The following PLCB1 variants were observed in gnomAD, a reference collection of about 807,000 sequenced individuals.
PLCB1 encodes the protein 1-phosphatidylinositol 4,5-bisphosphate phosphodiesterase beta-1.
PLCB1 carries 46 observed loss-of-function variants against 161.8 expected under a neutral mutation model. The ratio of observed to expected loss-of-function variants is 0.28; its 90% CI spans 0.22 to 0.36. The LOEUF is 0.36. PLCB1 is among the 10% of genes least tolerant of loss of function. The pLI is 1.00. For synonymous variants in PLCB1, 517 were observed against 503.7 expected (o/e 1.03, Z -0.35); for missense variants, 1,016 against 1,472.5 (o/e 0.69, Z 5.07).
chr20:8,551,485 G>A (rs1600147326), intron 3 of PLCB1, among the ~76,000 whole-genome samples: 1 of 152,114 alleles, frequency 6.6e-6, no homozygotes, highest in East Asian at 1.9e-4. Flanking sequence ...TTCTTCGAAG[G>A]GTGTGACCTT....
At chr20:8,607,540 C>T (rs1987792174) in intron 3 of PLCB1, among the ~76,000 whole-genome samples, 1 of 152,156 alleles carries the variant, frequency 6.6e-6, no homozygotes, top group South Asian at 2.1e-4. Context: ...CCGTTCCCAC[C>T]CCAAGGTATC....
In PLCB1 at chr20:8,132,776, G is replaced by T; in HGVS notation, c.99+26G>T. ...GTAAGTATTGGGGCGGCCCGAGTCGGGGCGCTGGCTCGGGCACCGGGCAGG... is the reference window on the plus strand; with the variant it reads ...GTAAGTATTGGGGCGGCCCGAGTCGTGGCGCTGGCTCGGGCACCGGGCAGG... On this transcript the variant is annotated intron_variant, in intron 1 of 31. Transcript: ENST00000338037. The surrounding 1 kb of genome is among the most constrained non-coding windows in gnomAD (Gnocchi z 5.2). The T allele has an allele frequency of 6.4e-7, 1 of 1,555,306 alleles. No individual in the cohort carries two copies. The highest frequency in any genetic ancestry group is 2.3e-5 in the East Asian group (1 of 44,268).
At chr20:8,556,656 GGTGTGTGTGTGTGTGTGTGTGTGTGT>G (rs58160557) in intron 3 of PLCB1, among the ~76,000 whole-genome samples, 1 of 141,780 alleles carries the variant, frequency 7.1e-6, no homozygotes, top group South Asian at 2.3e-4. Context: ...GAGAGGGTTG[GGTGTGTGTGTGTGTGTGTGTGTGTGT>G]GTGTGTGTGT....
At chr20:8,562,470 C>A (rs1986172428) in intron 3 of PLCB1, among the ~76,000 whole-genome samples, 1 of 152,066 alleles carries the variant, frequency 6.6e-6, no homozygotes, top group African/African-American at 2.4e-5. Context: ...AAGCTGTGCT[C>A]CGGCAGAAAG....
intron 2 of PLCB1, among the ~76,000 whole-genome samples, chr20:8,329,245 T>C (rs1985273489): frequency 6.6e-6 from 1 of 152,130 alleles, no homozygotes; most frequent in Admixed American, 6.5e-5. Flanking sequence ...TGCTTGGAAG[T>C]GAGTGAAAGT....
At chr20:8,308,600 G>A (rs1157184936) in intron 2 of PLCB1, among the ~76,000 whole-genome samples, 1 of 131,652 alleles carries the variant, frequency 7.6e-6, no homozygotes, top group African/African-American at 2.9e-5. Flanking sequence ...CTGGGCAACA[G>A]AGCGAGATTC....
chr20:8,682,582 T>G (rs1376351619), intron 9 of PLCB1, among the ~76,000 whole-genome samples: 1 of 152,166 alleles, frequency 6.6e-6, no homozygotes, highest in Admixed American at 6.5e-5. Context: ...CCTTGAGAAA[T>G]GTATTGAATG....
chr20:8,584,099 T>G (rs925472914), intron 3 of PLCB1, among the ~76,000 whole-genome samples: 2 of 152,202 alleles, frequency 1.3e-5, no homozygotes, highest in Non-Finnish European at 2.9e-5. Context: ...AGAAGAACAC[T>G]TCTAGAATTA....
intron 1 of PLCB1, among the ~76,000 whole-genome samples, chr20:8,147,074 T>C (rs771013250): frequency 5.9e-5 from 9 of 152,192 alleles, no homozygotes; most frequent in Non-Finnish European, 1.2e-4. Context: ...CATCATCCTA[T>C]TCCTGACCCA....
intron 31 of PLCB1, among the ~76,000 whole-genome samples, chr20:8,827,502 A>T (rs1985762422): frequency 6.6e-6 from 1 of 152,260 alleles, no homozygotes; most frequent in African/African-American, 2.4e-5. Context: ...GGTGGTAAAC[A>T]CTAGCCATAC....
At chr20:8,596,082 CT>C (rs1987336882) in intron 3 of PLCB1, among the ~76,000 whole-genome samples, 1 of 151,674 alleles carries the variant, frequency 6.6e-6, no homozygotes, top group Non-Finnish European at 1.5e-5. Flanking sequence ...GTTTCTTTTG[CT>C]GTGCAGAAGC....
chr20:8,672,426 T>C (rs1989970796), intron 9 of PLCB1, among the ~76,000 whole-genome samples: 1 of 149,568 alleles, frequency 6.7e-6, no homozygotes, highest in Non-Finnish European at 1.5e-5. Flanking sequence ...TAGTACTGCA[T>C]GTGTAAGCAT....
intron 5 of PLCB1, 135 bp from the exon 6 acceptor site, chr20:8,647,765 T>A (rs1989206746): frequency 3.0e-6 from 2 of 672,038 alleles, no homozygotes; most frequent in Non-Finnish European, 5.3e-6. Flanking sequence ...GGGTGCCAAC[T>A]GTGGAGACTT....
intron 12 of PLCB1, among the ~76,000 whole-genome samples, chr20:8,715,093 T>C (rs1030049125): frequency 1.3e-5 from 2 of 152,214 alleles, no homozygotes; most frequent in African/African-American, 4.8e-5. Context: ...GTCACAGTCC[T>C]GCTAAAATGT....
intron 2 of PLCB1, among the ~76,000 whole-genome samples, chr20:8,298,397 A>T (rs2745763): frequency 0.33 from 49,688 of 151,880 alleles, 10,474 homozygotes; most frequent in African/African-American, 0.59. Context: ...GTTATCCTTT[A>T]AAGAGTGCTT....
intron 3 of PLCB1, among the ~76,000 whole-genome samples, chr20:8,581,255 C>T (rs146192229): frequency 1.3e-5 from 2 of 152,216 alleles, no homozygotes; most frequent in East Asian, 1.9e-4. Context: ...TAGCTGAGAA[C>T]GCTGTGCTAC....
At chr20:8,172,247 G>C (rs2051739978) in intron 2 of PLCB1, among the ~76,000 whole-genome samples, 1 of 152,174 alleles carries the variant, frequency 6.6e-6, no homozygotes, top group Non-Finnish European at 1.5e-5. Context: ...GTGATGAGAA[G>C]AGTTCAGGGA....
chr20:8,544,324 C>A (rs1985452276), intron 3 of PLCB1, among the ~76,000 whole-genome samples: 1 of 152,154 alleles, frequency 6.6e-6, no homozygotes, highest in Non-Finnish European at 1.5e-5. Flanking sequence ...GAGTCCAGAA[C>A]ACTTGAGAAT....
intron 2 of PLCB1, among the ~76,000 whole-genome samples, chr20:8,201,924 T>A (rs1023205715): frequency 6.6e-6 from 1 of 152,188 alleles, no homozygotes; most frequent in Non-Finnish European, 1.5e-5. Context: ...ATTGCCTGTG[T>A]TGGGTTTTGT....
Sources: allele counts gnomAD v4.1 joint callset (sites outside exome capture counted in the v4.1 genomes callset), GRCh38; gene constraint gnomAD v4.1.1; non-coding constraint Gnocchi (gnomAD v3.1); transcripts MANE v1.5; gene names NCBI Gene and HGNC (gene_info 2026-07-23, HGNC 2026-07-21).